Variants in ITSN1 observed in about 807,000 individuals in gnomAD.
ITSN1 encodes the protein intersectin-1.
In ITSN1, 58 loss-of-function variants were observed where a neutral mutation model predicts 239.8. The observed-to-expected ratio is 0.24, with a 90% CI of 0.20 to 0.30. ITSN1 has a LOEUF of 0.30. Ranked by LOEUF, ITSN1 falls within the 10% of genes least tolerant of loss-of-function variation. The pLI, the probability that ITSN1 is intolerant of heterozygous loss-of-function variation, is 1.00. For missense variants in ITSN1, 1,558 were observed against 2,103.3 expected (o/e 0.74, Z 5.07); for synonymous variants, 780 against 770.8 (o/e 1.01, Z -0.20).
intron 4 of ITSN1, among the ~76,000 whole-genome samples, chr21:33,731,420 G>A (rs1006757072): frequency 7.2e-5 from 11 of 152,090 alleles, no homozygotes; most frequent in African/African-American, 1.2e-4. Flanking sequence ...AAATAGTTGC[G>A]TATCTTTTAA....
intron 20 of ITSN1, among the ~76,000 whole-genome samples, chr21:33,808,146 C>T (rs1227703256): frequency 1.3e-5 from 2 of 151,178 alleles, no homozygotes; most frequent in African/African-American, 4.9e-5. Context: ...GAGATTGCGC[C>T]ACTGCAGTCC....
At chr21:33,677,152 A>G (rs976389271) in intron 1 of ITSN1, among the ~76,000 whole-genome samples, 2 of 152,058 alleles carry the variant, frequency 1.3e-5, no homozygotes, top group African/African-American at 4.8e-5. Context: ...AACTTAAAGT[A>G]TAATTAAAAA....
intron 33 of ITSN1, among the ~76,000 whole-genome samples, chr21:33,868,882 A>G (rs753126511): frequency 1.3e-5 from 2 of 152,128 alleles, no homozygotes; most frequent in Admixed American, 6.5e-5. Context: ...TCACCTCTCA[A>G]TACTGCACAG....
intron 29 of ITSN1, chr21:33,837,693 A>G: frequency 1.0e-6 from 1 of 985,900 alleles, no homozygotes. Flanking sequence ...TCCATGGCAA[A>G]GCTATTACCT....
At chr21:33,763,300 G>A (rs1463837941) in intron 9 of ITSN1, among the ~76,000 whole-genome samples, 1 of 150,132 alleles carries the variant, frequency 6.7e-6, no homozygotes, top group Non-Finnish European at 1.5e-5. Context: ...TTTCTTAATG[G>A]CTTAACTTTT....
intron 8 of ITSN1, among the ~76,000 whole-genome samples, chr21:33,760,284 T>A (rs2068214701): frequency 6.6e-6 from 1 of 152,166 alleles, no homozygotes; most frequent in African/African-American, 2.4e-5. Flanking sequence ...GAAGTTAGGC[T>A]ACCTTGGTGG....
intron 9 of ITSN1, among the ~76,000 whole-genome samples, chr21:33,764,971 G>A (rs2068617823): frequency 1.3e-5 from 2 of 152,220 alleles, no homozygotes; most frequent in Non-Finnish European, 2.9e-5. Context: ...AAGATCCACT[G>A]TGTAGGCCTA....
intron 4 of ITSN1, among the ~76,000 whole-genome samples, chr21:33,731,185 A>C (rs1213492332): frequency 3.3e-5 from 5 of 152,182 alleles, no homozygotes; most frequent in Admixed American, 6.5e-5. Context: ...CCATGAAAAC[A>C]CTTCTGTAGG....
intron 5 of ITSN1, among the ~76,000 whole-genome samples, chr21:33,743,036 GC>G (rs1210936892): frequency 6.6e-6 from 1 of 152,040 alleles, no homozygotes; most frequent in Non-Finnish European, 1.5e-5. Flanking sequence ...AGTTTTTAAG[GC>G]TCATAAATAA....
chr21:33,839,942 C>G (rs1276658478), intron 29 of ITSN1, among the ~76,000 whole-genome samples: 1 of 152,180 alleles, frequency 6.6e-6, no homozygotes, highest in African/African-American at 2.4e-5. Context: ...AAAGAATGAT[C>G]TGGCCCCAGA....
intron 1 of ITSN1, among the ~76,000 whole-genome samples, chr21:33,716,109 A>T (rs943089208): frequency 6.6e-6 from 1 of 152,150 alleles, no homozygotes; most frequent in Non-Finnish European, 1.5e-5. Flanking sequence ...TATGGAGATA[A>T]CAGCATGCCC....
rs1168638501 is a variant in ITSN1, at chr21:33,783,692, A to C, written c.1824+1559A>C. Among the ~76,000 whole-genome samples, 7 of 49,350 alleles carry C rather than the reference A, an allele frequency of 1.4e-4. No homozygotes were observed. The East Asian group carries it at 5.1e-3, about 36-fold the overall frequency. 32.4% of individuals were successfully genotyped at this position (49,350 alleles called of 152,430 possible). On this transcript the variant is annotated intron_variant, in intron 16 of 39. Transcript: ENST00000381318. ...ATTGTCACTTGTCTCTTTTATAAGC[A>C]AAAAAAAAAAAAAAATAGCACTGTT...
rs1986161495 is a variant in ITSN1, at chr21:33,888,962, A to G, written c.*662A>G. 3 of 152,194 alleles carry G rather than the reference A, an allele frequency of 2.0e-5. No homozygotes were observed. The highest frequency in any genetic ancestry group is 4.8e-5 in the African/African-American group (2 of 41,450). The allele number at this position is 152,194 out of a possible 1,614,324, so 9.4% of individuals were successfully genotyped here. A position where few individuals can be genotyped will look rare whatever the true frequency, so the allele number is the denominator to read the frequency against. Reference sequence around the variant, plus strand: ...CTAGGCCTTGTATTAATATATGTCAATGAAAACACACTGGTGTATTGTTGC... The same window carrying G: ...CTAGGCCTTGTATTAATATATGTCAGTGAAAACACACTGGTGTATTGTTGC... On this transcript the variant is annotated 3_prime_UTR_variant, in exon 40 of 40. Coordinates refer to ENST00000381318, the MANE Select transcript of ITSN1 (RefSeq NM_003024.3).
chr21:33,840,809 G>GTT (rs1202595917), intron 29 of ITSN1, among the ~76,000 whole-genome samples: 1 of 152,142 alleles, frequency 6.6e-6, no homozygotes, highest in Non-Finnish European at 1.5e-5. Flanking sequence ...GTTTTGTTTT[G>GTT]TTTTTTAAAC....
intron 1 of ITSN1, among the ~76,000 whole-genome samples, chr21:33,659,527 G>A (rs768227938): frequency 9.9e-5 from 15 of 152,002 alleles, no homozygotes; most frequent in Non-Finnish European, 1.9e-4. Context: ...TGAAATGAAT[G>A]GTAGGACACC....
rs58230508 is a variant in ITSN1 at position 33,687,398 on chromosome 21, TAAA to T, written c.-32-31371_-32-31369del. Among the ~76,000 whole-genome samples, 348 of 81,276 alleles carry T rather than the reference TAAA, an allele frequency of 4.3e-3. 1 individual carries two copies. Among genetic ancestry groups the T allele is most frequent in the Non-Finnish European group, 5.1e-3 (238 of 46,240 alleles). The allele number at this position is 81,276 out of a possible 152,430, so 53.3% of individuals were successfully genotyped here. A position where few individuals can be genotyped will look rare whatever the true frequency, so the allele number is the denominator to read the frequency against. ...GGGCAACAAGAGCAGAACTCCATCTTAAAAAAAAAAAAAAAAAAAAAAAAAAAA... is the reference window on the plus strand; with the variant it reads ...GGGCAACAAGAGCAGAACTCCATCTTAAAAAAAAAAAAAAAAAAAAAAAAA... On this transcript the variant is annotated intron_variant, in intron 1 of 39. Transcript: ENST00000381318.
In ITSN1 at chr21:33,835,906, G is replaced by C. The variant is rs148797931; in HGVS notation, c.3470-535G>C. Among the ~76,000 whole-genome samples, 1,407 of 152,298 alleles carry C rather than the reference G, an allele frequency of 9.2e-3. 18 individuals carry two copies. Among genetic ancestry groups the C allele is most frequent in the African/African-American group, 0.032 (1,341 of 41,554 alleles). ...AGATCGTGCCACTGCACTCCAGCGT[G>C]GGCAACAGAGCGAGGCTCTGTCTCA... On this transcript the variant is annotated intron_variant, in intron 28 of 39. Coordinates refer to ENST00000381318, the MANE Select transcript of ITSN1 (RefSeq NM_003024.3).
intron 16 of ITSN1, among the ~76,000 whole-genome samples, chr21:33,786,888 T>C (rs994723619): frequency 1.3e-5 from 2 of 152,204 alleles, no homozygotes; most frequent in Admixed American, 6.5e-5. Flanking sequence ...GGCTGCGTCA[T>C]CCACTTAGAC....
chr21:33,680,627 G>A (rs2090892972), intron 1 of ITSN1, among the ~76,000 whole-genome samples: 1 of 152,218 alleles, frequency 6.6e-6, no homozygotes, highest in Admixed American at 6.5e-5. Flanking sequence ...CGATGTGCGT[G>A]GCCTGGTGCC....
Sources: gnomAD v4.1 joint callset for allele counts (sites outside exome capture counted in the v4.1 genomes callset) on GRCh38, gnomAD v4.1.1 for gene constraint, MANE v1.5 for transcripts, NCBI Gene and HGNC (gene_info 2026-07-23, HGNC 2026-07-21) for gene names.